ARHGAP26: variants seen among roughly 807,000 people sequenced by gnomAD.
ARHGAP26 encodes the protein rho GTPase-activating protein 26.
In ARHGAP26, 38 loss-of-function variants were observed where a neutral mutation model predicts 104.8. That is an observed-to-expected ratio of 0.36 (90% CI 0.28 to 0.48). The LOEUF (loss-of-function observed/expected upper bound fraction) is 0.48. Ranked by LOEUF, ARHGAP26 falls within the 20% of genes least tolerant of loss-of-function variation. The pLI is 0.99. For synonymous variants in ARHGAP26, 341 were observed against 340.0 expected (o/e 1.00, Z -0.03); for missense variants, 704 against 947.9 (o/e 0.74, Z 3.38).
intron 20 of ARHGAP26, among the ~76,000 whole-genome samples, chr5:143,177,632 A>C (rs1449729677): frequency 6.6e-6 from 1 of 152,178 alleles, no homozygotes; most frequent in African/African-American, 2.4e-5. Flanking sequence ...GAATAACAAT[A>C]ATACTACAAA....
intron 14 of ARHGAP26, 126 bp from the exon 15 acceptor site, chr5:143,054,313 A>T (rs79816488): frequency 1.7e-6 from 1 of 584,970 alleles, no homozygotes; most frequent in East Asian, 2.9e-5. Flanking sequence ...GGTAAAAAAA[A>T]TACTTGTCAT....
chr5:143,198,560 A>T (rs1562595264), intron 20 of ARHGAP26, among the ~76,000 whole-genome samples: 1 of 152,212 alleles, frequency 6.6e-6, no homozygotes, highest in Admixed American at 6.5e-5. Flanking sequence ...TTTTCTGTAC[A>T]ATGAGCAATT....
In ARHGAP26 at chr5:143,048,786, CAT is replaced by C. The variant is rs1404817421; in HGVS notation, c.1286-5652_1286-5651del. On this transcript the variant is annotated intron_variant, in intron 14 of 22. Transcript: ENST00000645722. Reference sequence around the variant, plus strand: ...AAAATTAGCCAGGCGTGGTGGTGCACATCTGTAGTCCCAGCTACTCAGGAGGC... The same window carrying C: ...AAAATTAGCCAGGCGTGGTGGTGCACCTGTAGTCCCAGCTACTCAGGAGGC... Among the ~76,000 whole-genome samples the C allele has an allele frequency of 5.3e-5, 8 of 151,628 alleles. No homozygotes were observed. In the East Asian group the frequency reaches 1.4e-3, roughly 26 times the overall value.
intron 1 of ARHGAP26, chr5:142,772,785 A>C (rs748790993): frequency 5.6e-6 from 3 of 533,364 alleles, no homozygotes; most frequent in Non-Finnish European, 1.2e-5. Flanking sequence ...CCCGGAATGG[A>C]ACCTCTTGCA....
chr5:142,815,000 A>G (rs1223822382), intron 1 of ARHGAP26, among the ~76,000 whole-genome samples: 2 of 152,164 alleles, frequency 1.3e-5, no homozygotes, highest in African/African-American at 4.8e-5. Context: ...TTACGGAATT[A>G]CATGATTTTT....
intron 17 of ARHGAP26, among the ~76,000 whole-genome samples, chr5:143,100,221 C>A (rs748903880): frequency 6.6e-6 from 1 of 152,176 alleles, no homozygotes; most frequent in Non-Finnish European, 1.5e-5. Flanking sequence ...AGTATCACAG[C>A]CACTTCTGAA....
Position 142,879,283 on chromosome 5 carries a change from C to G in ARHGAP26, c.313-91C>G, listed in dbSNP as rs546330507. The stretch of plus-strand genomic sequence containing the variant: ...TGCCTCCCCAAATTTTATTTTAAGA[C>G]ATGGGGAGGCATCTCATGCTGGAGC... On this transcript the variant is annotated intron_variant, in intron 3 of 22. Coordinates refer to ENST00000645722, the MANE Select transcript of ARHGAP26 (RefSeq NM_001135608.3). 3 of 1,163,550 alleles carry G rather than the reference C, an allele frequency of 2.6e-6. No homozygotes were observed. The South Asian group carries it at 3.7e-5, about 14-fold the overall frequency. 72.1% of individuals were successfully genotyped at this position (1,163,550 alleles called of 1,614,324 possible).
chr5:142,887,204 T>C (rs746040297), intron 5 of ARHGAP26, among the ~76,000 whole-genome samples: 6 of 152,148 alleles, frequency 3.9e-5, no homozygotes, highest in Admixed American at 6.5e-5. Context: ...AGTCCAGCAT[T>C]TTCTTTTAGG....
At chr5:142,989,157 T>C (rs893363616) in intron 11 of ARHGAP26, among the ~76,000 whole-genome samples, 8 of 152,234 alleles carry the variant, frequency 5.3e-5, no homozygotes, top group African/African-American at 1.9e-4. Context: ...AGGACTTGCT[T>C]TATGAATCTG....
intron 17 of ARHGAP26, among the ~76,000 whole-genome samples, chr5:143,093,052 G>A (rs1364745227): frequency 6.6e-6 from 1 of 152,120 alleles, no homozygotes; most frequent in African/African-American, 2.4e-5. Context: ...AACCTGCTGG[G>A]TTAAGGGAAT....
At chr5:143,144,473 A>G (rs1322441310) in intron 19 of ARHGAP26, among the ~76,000 whole-genome samples, 2 of 152,052 alleles carry the variant, frequency 1.3e-5, no homozygotes, top group Non-Finnish European at 1.5e-5. Flanking sequence ...TGGCACCATC[A>G]TACCTCACCA....
At chr5:142,950,371 C>A (rs1768128193) in intron 11 of ARHGAP26, among the ~76,000 whole-genome samples, 1 of 151,678 alleles carries the variant, frequency 6.6e-6, no homozygotes. Context: ...GTGACTGCAA[C>A]AATTAACAGT....
At chr5:142,790,739 CT>C (rs1427585310) in intron 1 of ARHGAP26, among the ~76,000 whole-genome samples, 6 of 152,334 alleles carry the variant, frequency 3.9e-5, no homozygotes, top group African/African-American at 1.4e-4. Context: ...CCTTCTCTTA[CT>C]GTTCCTCTGG....
chr5:142,936,734 T>C (rs1366540196), intron 11 of ARHGAP26, among the ~76,000 whole-genome samples: 1 of 152,070 alleles, frequency 6.6e-6, no homozygotes, highest in Non-Finnish European at 1.5e-5. Context: ...ATATGCCCAA[T>C]TGATTTTTGA....
intron 17 of ARHGAP26, among the ~76,000 whole-genome samples, chr5:143,077,490 C>T (rs1387932684): frequency 1.3e-5 from 2 of 152,170 alleles, no homozygotes; most frequent in Admixed American, 6.5e-5. Context: ...TGATAAAATG[C>T]AAAGGCTCTT....
chr5:143,115,023 T>A (rs893283149), intron 17 of ARHGAP26, among the ~76,000 whole-genome samples: 5 of 152,076 alleles, frequency 3.3e-5, no homozygotes, highest in South Asian at 2.1e-4. Flanking sequence ...GAAGTACTTA[T>A]AGGGAAGTGA....
intron 17 of ARHGAP26, among the ~76,000 whole-genome samples, chr5:143,080,908 C>T (rs1789712660): frequency 6.6e-6 from 1 of 151,602 alleles, no homozygotes; most frequent in Non-Finnish European, 1.5e-5. Context: ...GGGGCCTGGA[C>T]TAGGGTAGTA....
At chr5:142,830,302 C>A (rs772743215) in intron 1 of ARHGAP26, among the ~76,000 whole-genome samples, 1 of 152,058 alleles carries the variant, frequency 6.6e-6, no homozygotes, top group Non-Finnish European at 1.5e-5. Flanking sequence ...AAATACCTGG[C>A]TGAGAAAAGT....
At chr5:143,063,945 A>T (rs543072273) in intron 17 of ARHGAP26, among the ~76,000 whole-genome samples, 3 of 152,258 alleles carry the variant, frequency 2.0e-5, no homozygotes, top group Admixed American at 6.5e-5. Context: ...CTCTCAGGGG[A>T]TGGGCAGTCT....
Sources: gnomAD v4.1 joint callset for allele counts (sites outside exome capture counted in the v4.1 genomes callset) on GRCh38, gnomAD v4.1.1 for gene constraint, MANE v1.5 for transcripts, NCBI Gene and HGNC (gene_info 2026-07-23, HGNC 2026-07-21) for gene names.